Variants in EEFSEC observed in about 807,000 individuals in gnomAD.
EEFSEC encodes the protein eukaryotic elongation factor, selenocysteine-tRNA specific, also known as selenocysteine-specific elongation factor.
Under a neutral mutation model 42.1 loss-of-function variants are expected in EEFSEC, and 43 were observed. The observed-to-expected ratio is 1.02, with a 90% CI of 0.80 to 1.32. EEFSEC has a LOEUF of 1.32. Among genes scored for constraint, EEFSEC ranks in the 40% most tolerant of loss-of-function variants. The probability of loss-of-function intolerance (pLI) is 0.00; values close to 1 mark genes in which losing one functional copy is unlikely to be tolerated. For synonymous variants in EEFSEC, 354 were observed against 339.1 expected (o/e 1.04, Z -0.48); for missense variants, 745 against 803.6 (o/e 0.93, Z 0.88).
chr3:128,270,345 G>A (rs934152300), intron 4 of EEFSEC, among the ~76,000 whole-genome samples: 4 of 150,676 alleles, frequency 2.7e-5, no homozygotes, highest in African/African-American at 5.0e-5. Flanking sequence ...TATGCTTTGC[G>A]GACCCCACTA....
intron 5 of EEFSEC, among the ~76,000 whole-genome samples, chr3:128,343,705 A>G (rs2067281369): frequency 6.6e-6 from 1 of 152,078 alleles, no homozygotes; most frequent in South Asian, 2.1e-4. Context: ...TTCCTTTGAG[A>G]ACTGGGAGGG....
At chr3:128,389,453 C>T (rs2067881730) in intron 6 of EEFSEC, among the ~76,000 whole-genome samples, 1 of 152,258 alleles carries the variant, frequency 6.6e-6, no homozygotes, top group Non-Finnish European at 1.5e-5. Context: ...AGAGGGCCCA[C>T]ATGGCCTCCT....
intron 1 of EEFSEC, among the ~76,000 whole-genome samples, chr3:128,179,752 A>G (rs550580317): frequency 6.6e-6 from 1 of 152,296 alleles, no homozygotes; most frequent in Non-Finnish European, 1.5e-5. Context: ...TTGGTGAGGT[A>G]TTGAATGGGA....
chr3:128,207,599 ACACACG>A (rs1252690957), intron 1 of EEFSEC, among the ~76,000 whole-genome samples: 1 of 150,720 alleles, frequency 6.6e-6, no homozygotes, highest in East Asian at 2.1e-4. Context: ...ACACACACAC[ACACACG>A]CTTAACAAGA....
At chr3:128,324,802 T>G (rs2067046418) in intron 4 of EEFSEC, among the ~76,000 whole-genome samples, 3 of 152,214 alleles carry the variant, frequency 2.0e-5, no homozygotes, top group Admixed American at 6.5e-5. Context: ...CACTGAATGT[T>G]TCCTTAAAGT....
intron 6 of EEFSEC, among the ~76,000 whole-genome samples, chr3:128,390,923 A>G (rs1559954740): frequency 6.6e-6 from 1 of 152,000 alleles, no homozygotes; most frequent in African/African-American, 2.4e-5. Flanking sequence ...CTCATCCCTC[A>G]CAAGTCCCTG....
chr3:128,374,586 A>G (rs1029383205), intron 6 of EEFSEC, among the ~76,000 whole-genome samples: 3 of 152,170 alleles, frequency 2.0e-5, no homozygotes, highest in African/African-American at 7.2e-5. Context: ...TTGTGGCTCA[A>G]TAAAGGCACA....
intron 2 of EEFSEC, among the ~76,000 whole-genome samples, chr3:128,249,832 T>G (rs1260391941): frequency 6.6e-6 from 1 of 152,224 alleles, no homozygotes; most frequent in Admixed American, 6.5e-5. Flanking sequence ...TATCCATTCT[T>G]CTGTTGGTAG....
chr3:128,332,696 C>T (rs749624350), intron 4 of EEFSEC, among the ~76,000 whole-genome samples: 2 of 152,212 alleles, frequency 1.3e-5, no homozygotes, highest in Admixed American at 6.5e-5. Flanking sequence ...GGTTCCCTCT[C>T]GCAGCCCCAG....
intron 1 of EEFSEC, among the ~76,000 whole-genome samples, chr3:128,231,154 C>CT (rs1422910735): frequency 6.6e-6 from 1 of 151,988 alleles, no homozygotes; most frequent in Non-Finnish European, 1.5e-5. Context: ...GGCTCTGTGT[C>CT]TAACTTTCCA....
In EEFSEC at chr3:128,341,811, G is replaced by T. The variant is rs1204560282; in HGVS notation, c.1365G>T (p.Glu455Asp). Residue 455 changes from glutamate to aspartate, a missense_variant, in exon 5 of 7, where the codon GAG becomes GAT. Coordinates refer to ENST00000254730, the MANE Select transcript of EEFSEC (RefSeq NM_021937.5). The stretch of plus-strand genomic sequence containing the variant: ...ATGGCATCCTGCTCCACGGGCTAGA[G>T]GACAGGAACTACGCCGACAGCTTCC... ...AFHGILLHGL[E>D]DRNYADSFLP... 6.2e-7 allele frequency: 1 copy of T among 1,614,066 alleles called. No individual in the cohort carries two copies. The highest frequency in any genetic ancestry group is 8.5e-7 in the Non-Finnish European group (1 of 1,180,038).
rs1416783205 is a variant in EEFSEC at position 128,280,422 on chromosome 3, C to T, written c.786+15641C>T. ...GTCCTTCCCTGTTCTCTCTCACCTC[C>T]CTTGTGCCCTCACTCGGCTTTGGCC... is the stretch of plus-strand genomic sequence containing the variant. On this transcript the variant is annotated intron_variant, in intron 4 of 6. Transcript: ENST00000254730. 8.5e-5 allele frequency among the ~76,000 whole-genome samples: 13 copies of T among 152,374 alleles called. No homozygotes were observed. The East Asian group carries it at 1.5e-3, about 18-fold the overall frequency.
chr3:128,399,814 G>T (rs2068027978), intron 6 of EEFSEC, among the ~76,000 whole-genome samples: 1 of 151,918 alleles, frequency 6.6e-6, no homozygotes, highest in African/African-American at 2.4e-5. Context: ...TCTGTCCCCA[G>T]CCGGGTCTGT....
At chr3:128,392,553 G>A (rs562579379) in intron 6 of EEFSEC, among the ~76,000 whole-genome samples, 3 of 152,350 alleles carry the variant, frequency 2.0e-5, no homozygotes, top group East Asian at 3.9e-4. Context: ...GAGGCACGCG[G>A]CATCTCGCTT....
chr3:128,418,103 C>T, the EEFSEC span, among the ~76,000 whole-genome samples: 15,176 of 152,074 alleles, frequency 0.1, 1,171 homozygotes, highest in East Asian at 0.38. Context: ...AAACCCACCA[C>T]GTGCCCACCA....
intron 1 of EEFSEC, among the ~76,000 whole-genome samples, chr3:128,177,994 A>G (rs1235555220): frequency 6.6e-6 from 1 of 152,210 alleles, no homozygotes; most frequent in Non-Finnish European, 1.5e-5. Flanking sequence ...GTTGACAAAC[A>G]TGATAGACCT....
At chr3:128,357,951 GCTATC>G (rs2107588409) in intron 5 of EEFSEC, among the ~76,000 whole-genome samples, 1 of 152,232 alleles carries the variant, frequency 6.6e-6, no homozygotes, top group East Asian at 1.9e-4. Context: ...GGACTGAGGT[GCTATC>G]TGTGGAAAGT....
intron 4 of EEFSEC, among the ~76,000 whole-genome samples, 155 bp downstream of exon 4, chr3:128,264,936 C>T (rs781116066): frequency 2.0e-5 from 3 of 152,194 alleles, no homozygotes; most frequent in Admixed American, 1.3e-4. Flanking sequence ...TGCCTGGCCC[C>T]GCCCGGCTCC....
chr3:128,209,307 C>G (rs969901489), intron 1 of EEFSEC, among the ~76,000 whole-genome samples: 2 of 152,176 alleles, frequency 1.3e-5, no homozygotes, highest in Non-Finnish European at 2.9e-5. Flanking sequence ...CTGGTTTAGG[C>G]AAGGTAGACA....
Sources: gnomAD v4.1 joint callset for allele counts (sites outside exome capture counted in the v4.1 genomes callset) on GRCh38, gnomAD v4.1.1 for gene constraint, MANE v1.5 for transcripts, NCBI Gene and HGNC (gene_info 2026-07-23, HGNC 2026-07-21) for gene names.